LRMDA: variants seen among roughly 807,000 people sequenced by gnomAD.
The protein encoded by LRMDA is leucine-rich melanocyte differentiation-associated protein.
Under a neutral mutation model 29.8 loss-of-function variants are expected in LRMDA, and 18 were observed. The observed-to-expected ratio is 0.60, with a 90% CI of 0.42 to 0.90. The LOEUF is 0.90. LRMDA is among the 40% of genes least tolerant of loss of function. The pLI is 0.00. For missense variants in LRMDA, 273 were observed against 273.9 expected (o/e 1.00, Z 0.02); for synonymous variants, 125 against 109.4 (o/e 1.14, Z -0.89).
At chr10:76,410,948 A>T (rs1323358430) in intron 6 of LRMDA, among the ~76,000 whole-genome samples, 1 of 152,130 alleles carries the variant, frequency 6.6e-6, no homozygotes, top group Admixed American at 6.5e-5. Flanking sequence ...TCCATCTCCA[A>T]AACAAAACAA....
chr10:76,342,326 G>C (rs1233055505), intron 6 of LRMDA, among the ~76,000 whole-genome samples: 1 of 152,022 alleles, frequency 6.6e-6, no homozygotes, highest in Non-Finnish European at 1.5e-5. Context: ...AGAATAGCTA[G>C]AGAAGTATAT....
intron 2 of LRMDA, among the ~76,000 whole-genome samples, chr10:75,818,736 C>T (rs988441454): frequency 3.3e-5 from 5 of 152,186 alleles, no homozygotes; most frequent in Non-Finnish European, 7.3e-5. Flanking sequence ...AGGATAACTG[C>T]TGGTTTTCTT....
At chr10:75,604,710 G>A (rs1840934129) in intron 2 of LRMDA, among the ~76,000 whole-genome samples, 1 of 152,162 alleles carries the variant, frequency 6.6e-6, no homozygotes, top group Admixed American at 6.5e-5. Flanking sequence ...TAAGCCAACT[G>A]CCAAAATACT....
chr10:76,098,737 G>A (rs928011017), intron 5 of LRMDA, among the ~76,000 whole-genome samples: 3 of 152,238 alleles, frequency 2.0e-5, no homozygotes, highest in Middle Eastern at 3.4e-3. Flanking sequence ...TACAGAAAGA[G>A]TTATTCACCC....
intron 2 of LRMDA, among the ~76,000 whole-genome samples, chr10:75,473,225 G>A (rs1844746266): frequency 6.6e-6 from 1 of 152,246 alleles, no homozygotes; most frequent in South Asian, 2.1e-4. Flanking sequence ...AATCAAAGGT[G>A]TATACCAAAG....
At chr10:76,462,498 C>T (rs1004781088) in intron 6 of LRMDA, among the ~76,000 whole-genome samples, 5 of 152,210 alleles carry the variant, frequency 3.3e-5, no homozygotes, top group East Asian at 1.9e-4. Flanking sequence ...TAACATTCTT[C>T]GATGCCCAAT....
chr10:76,159,587 C>T (rs1368755776), intron 5 of LRMDA, among the ~76,000 whole-genome samples: 3 of 152,132 alleles, frequency 2.0e-5, no homozygotes, highest in African/African-American at 7.2e-5. Context: ...CGTTCAGGTG[C>T]TTATGGCAAC....
intron 2 of LRMDA, among the ~76,000 whole-genome samples, chr10:75,723,285 C>T (rs1169821671): frequency 6.6e-6 from 1 of 152,190 alleles, no homozygotes; most frequent in Non-Finnish European, 1.5e-5. Flanking sequence ...ATGAATGGAA[C>T]TGGGGACATT....
At chr10:76,553,847 C>CGGG (rs1319521127) in intron 6 of LRMDA, among the ~76,000 whole-genome samples, 6 of 152,198 alleles carry the variant, frequency 3.9e-5, no homozygotes, top group African/African-American at 1.4e-4. Context: ...CCTTTCTCCC[C>CGGG]GGGCGAGCAC....
At chr10:76,260,764 T>C (rs576256405) in intron 5 of LRMDA, 1 of 152,312 alleles carries the variant, frequency 6.6e-6, no homozygotes, top group Non-Finnish European at 1.5e-5. Context: ...GCTATTACTT[T>C]ATTAACTATG....
At chr10:75,851,461 A>C (rs975954157) in intron 2 of LRMDA, among the ~76,000 whole-genome samples, 1 of 152,152 alleles carries the variant, frequency 6.6e-6, no homozygotes, top group Non-Finnish European at 1.5e-5. Flanking sequence ...AATACCCCTG[A>C]TAAAACTCAT....
At chr10:75,875,503 G>A (rs989104264) in intron 2 of LRMDA, among the ~76,000 whole-genome samples, 1 of 151,922 alleles carries the variant, frequency 6.6e-6, no homozygotes, top group African/African-American at 2.4e-5. Context: ...GCATGATCTT[G>A]GCTCACTGCA....
intron 5 of LRMDA, among the ~76,000 whole-genome samples, chr10:76,317,129 T>C (rs1199293954): frequency 2.0e-5 from 3 of 152,164 alleles, no homozygotes; most frequent in Non-Finnish European, 4.4e-5. Flanking sequence ...GGAAACAGTT[T>C]GGGCTTTAGG....
chr10:76,494,078 G>T (rs934169850), intron 6 of LRMDA, among the ~76,000 whole-genome samples: 1 of 151,852 alleles, frequency 6.6e-6, no homozygotes, highest in Non-Finnish European at 1.5e-5. Context: ...TGTACATTTG[G>T]TGTGATTTTC....
At chr10:76,353,704 C>T (rs958157213) in intron 6 of LRMDA, among the ~76,000 whole-genome samples, 5 of 152,062 alleles carry the variant, frequency 3.3e-5, no homozygotes, top group Admixed American at 6.6e-5. Context: ...CTCTGAAGTT[C>T]GATTCTTTAG....
chr10:76,251,687 G>A (rs190333905), intron 5 of LRMDA, among the ~76,000 whole-genome samples: 41 of 152,324 alleles, frequency 2.7e-4, no homozygotes, highest in Non-Finnish European at 3.7e-4. Context: ...GAAGGGGACC[G>A]GACAAGGGAA....
chr10:76,516,480 G>T (rs1843062704), intron 6 of LRMDA, among the ~76,000 whole-genome samples: 1 of 152,016 alleles, frequency 6.6e-6, no homozygotes, highest in African/African-American at 2.4e-5. Flanking sequence ...ATCTCCTAAT[G>T]CTATCCCTCC....
At chr10:75,986,464 C>T (rs998837879) in intron 2 of LRMDA, among the ~76,000 whole-genome samples, 21 of 152,214 alleles carry the variant, frequency 1.4e-4, no homozygotes, top group South Asian at 2.1e-4. Flanking sequence ...ATTTGCAATG[C>T]TCGTTGTCAT....
chr10:76,019,883 A>G (rs1183103991), intron 2 of LRMDA, among the ~76,000 whole-genome samples: 2 of 152,186 alleles, frequency 1.3e-5, no homozygotes, highest in Non-Finnish European at 2.9e-5. Flanking sequence ...AGAGCCTGAT[A>G]TCTAAGTCAG....
Sources: allele counts gnomAD v4.1 joint callset (sites outside exome capture counted in the v4.1 genomes callset), GRCh38; gene constraint gnomAD v4.1.1; transcripts MANE v1.5; gene names NCBI Gene and HGNC (gene_info 2026-07-23, HGNC 2026-07-21).